IFRD1: variants seen among roughly 807,000 people sequenced by gnomAD.
The protein encoded by IFRD1 is interferon-related developmental regulator 1.
IFRD1 carries 35 observed loss-of-function variants against 52.9 expected under a neutral mutation model. The ratio of observed to expected loss-of-function variants is 0.66; its 90% CI spans 0.51 to 0.88. IFRD1 has a LOEUF of 0.88. Ranked by LOEUF, IFRD1 falls within the 40% of genes least tolerant of loss-of-function variation. The pLI is 0.00. For missense variants in IFRD1, 517 were observed against 550.8 expected (o/e 0.94, Z 0.61); for synonymous variants, 184 against 188.4 (o/e 0.98, Z 0.19).
intron 8 of IFRD1, among the ~76,000 whole-genome samples, chr7:112,463,738 A>G (rs1375754539): frequency 6.6e-6 from 1 of 151,958 alleles, no homozygotes; most frequent in East Asian, 1.9e-4. Flanking sequence ...CATTTTTAAA[A>G]TGAAGTCATA....
rs1795907962 is a variant in IFRD1, at chr7:112,476,525, G to C, written c.*1006G>C. The C allele has an allele frequency of 6.6e-6, 1 of 152,106 alleles. No homozygotes were observed. Among genetic ancestry groups the C allele is most frequent in the Non-Finnish European group, 1.5e-5 (1 of 68,040 alleles). 9.4% of individuals were successfully genotyped at this position (152,106 alleles called of 1,614,324 possible). A position where few individuals can be genotyped will look rare whatever the true frequency, so the allele number is the denominator to read the frequency against. On this transcript the variant is annotated 3_prime_UTR_variant, in exon 12 of 12. Transcript: ENST00000403825. ...ATTTAAAAAATGAGTGTGGTGGTGT[G>C]TGCTTCTACTCTTTATCTACTTGGG...
chr7:112,451,440 G>C (rs903063145), intron 1 of IFRD1, among the ~76,000 whole-genome samples: 7 of 152,084 alleles, frequency 4.6e-5, no homozygotes, highest in South Asian at 2.1e-4. Flanking sequence ...GCACCTCTGC[G>C]ACCACCCGAG....
At chr7:112,443,754 C>T (rs1250730234) in intron 1 of IFRD1, among the ~76,000 whole-genome samples, 4 of 150,906 alleles carry the variant, frequency 2.7e-5, no homozygotes, top group African/African-American at 9.7e-5. Context: ...TGTAATCCCT[C>T]GGGAGGCTTT....
intron 1 of IFRD1, among the ~76,000 whole-genome samples, chr7:112,424,382 A>G (rs1462532248): frequency 6.6e-6 from 1 of 151,774 alleles, no homozygotes; most frequent in Middle Eastern, 3.4e-3. Context: ...TGTCTGGTGA[A>G]GGGAAGGTAA....
chr7:112,427,062 G>A (rs1042395451), intron 1 of IFRD1, among the ~76,000 whole-genome samples: 9 of 152,182 alleles, frequency 5.9e-5, no homozygotes, highest in Non-Finnish European at 1.3e-4. Context: ...TGTGACACAG[G>A]TGTGTCCTTA....
chr7:112,450,631 A>G lies in IFRD1; in HGVS notation c.-58A>G, dbSNP rs2117278168. 1.5e-6 allele frequency: 2 copies of G among 1,363,716 alleles called. No individual in the cohort carries two copies. The highest frequency in any genetic ancestry group is 2.3e-5 in the East Asian group (1 of 43,618). The allele number at this position is 1,363,716 out of a possible 1,614,324, so 84.5% of individuals were successfully genotyped here. On this transcript the variant is annotated 5_prime_UTR_variant, in exon 1 of 12. Transcript: ENST00000403825. ...GCACAGACGCACGAGTAAAAAGTGCAGCTCCATCGGCTGATCCTCGCTAAG... is the reference window on the plus strand; with the variant it reads ...GCACAGACGCACGAGTAAAAAGTGCGGCTCCATCGGCTGATCCTCGCTAAG...
At chr7:112,443,697 G>A (rs981807128) in intron 1 of IFRD1, among the ~76,000 whole-genome samples, 6 of 151,716 alleles carry the variant, frequency 4.0e-5, no homozygotes, top group South Asian at 2.1e-4. Flanking sequence ...GATGAACCCC[G>A]TCTTTACTAA....
intron 5 of IFRD1, 70 bp downstream of exon 5, chr7:112,459,088 C>T: frequency 8.1e-7 from 1 of 1,238,876 alleles, no homozygotes; most frequent in Non-Finnish European, 1.2e-6. Flanking sequence ...GCCTATAGTA[C>T]TGTACCAGCT....
At chr7:112,437,103 C>T (rs1401978311) in intron 1 of IFRD1, 1 of 154,382 alleles carries the variant, frequency 6.5e-6, no homozygotes, top group African/African-American at 2.4e-5. Flanking sequence ...GGTGTGTGAC[C>T]CAGCTAATAC....
At chr7:112,446,938 G>A (rs1795044850), upstream of IFRD1, among the ~76,000 whole-genome samples, 1 of 152,182 alleles carries the variant, frequency 6.6e-6, no homozygotes, top group African/African-American at 2.4e-5. Flanking sequence ...GTTAGGTGAT[G>A]AGAGAAGTGA....
At position 112,456,943 on chromosome 7, in the gene IFRD1, G is replaced by A. The variant is rs768440582; in HGVS notation, c.314G>A (p.Gly105Asp). 11 of 1,613,618 alleles carry A rather than the reference G, an allele frequency of 6.8e-6. No homozygotes were observed. Among genetic ancestry groups the A allele is most frequent in the South Asian group, 2.2e-5 (2 of 91,076 alleles). ...SAKTRQAALE[G>D]IKNALASKML... ...AAGACAAGGCAAGCAGCTCTTGAAG[G>A]TATTAAAAATGCACTGGCTTCAAAA... The change falls in exon 4 of 12, where the codon GGT becomes GAT. Residue 105 changes from glycine (G) to aspartate (D), a missense_variant. Gly to Asp is a moderately conservative substitution (Grantham distance 94). Transcript: ENST00000403825.
At position 112,450,675 on chromosome 7, in the gene IFRD1, C is replaced by G. The variant is rs1185921335; in HGVS notation, c.-14C>G. The G allele has an allele frequency of 6.2e-7, 1 of 1,604,412 alleles. No homozygotes were observed. The highest frequency in any genetic ancestry group is 8.5e-7 in the Non-Finnish European group (1 of 1,172,364). On this transcript the variant is annotated 5_prime_UTR_variant, in exon 1 of 12. Transcript: ENST00000403825. ...CGCTAAGCTCCGACTCTGGGCGGCACCGGGCGTCCCACGATGCCGAAGAAC... is the reference window on the plus strand; with the variant it reads ...CGCTAAGCTCCGACTCTGGGCGGCAGCGGGCGTCCCACGATGCCGAAGAAC...
At chr7:112,449,970 C>G (rs975803718), upstream of IFRD1, 3 of 152,944 alleles carry the variant, frequency 2.0e-5, no homozygotes, top group African/African-American at 7.2e-5. Flanking sequence ...GGCTGCGTGC[C>G]TGGCAGGTGC....
Position 112,470,693 on chromosome 7 carries a change from T to C in IFRD1, c.1042-1526T>C, listed in dbSNP as rs528110638. On this transcript the variant is annotated intron_variant, in intron 9 of 11. Coordinates refer to ENST00000403825, the MANE Select transcript of IFRD1 (RefSeq NM_001550.4). Reference sequence around the variant, plus strand: ...CCCCTCAGATACCAAAATTTGAGTATTCAAGTCCCTGATATAAAATGGCAT... The same window carrying C: ...CCCCTCAGATACCAAAATTTGAGTACTCAAGTCCCTGATATAAAATGGCAT... Among the ~76,000 whole-genome samples the C allele has an allele frequency of 5.9e-5, 9 of 152,348 alleles. No individual in the cohort carries two copies. The South Asian group carries it at 1.9e-3, about 32-fold the overall frequency.
rs140390189 is a variant in IFRD1 at position 112,475,733 on chromosome 7, GTAATGTTTGGTCA to G, written c.*219_*231del. ...ATCAGTAAACATGTATAAAGTATTT[GTAATGTTTGGTCA>G]TAATTTATTTATGAAGACAGCAAAA... is the stretch of plus-strand genomic sequence containing the variant. On this transcript the variant is annotated 3_prime_UTR_variant, in exon 12 of 12. Coordinates refer to ENST00000403825, the MANE Select transcript of IFRD1 (RefSeq NM_001550.4). The G allele has an allele frequency of 3.0e-3, 1,465 of 494,896 alleles. 45 individuals carry two copies. The East Asian group carries it at 0.049, about 16-fold the overall frequency. 30.7% of individuals were successfully genotyped at this position (494,896 alleles called of 1,614,324 possible).
rs752612349 is a variant in IFRD1 at position 112,432,223 on chromosome 7, CAG to C, written c.-182+8794_-182+8795del. 6.6e-5 allele frequency among the ~76,000 whole-genome samples: 10 copies of C among 152,290 alleles called. No homozygotes were observed. In the East Asian group the frequency reaches 1.9e-3, roughly 29 times the overall value. Reference sequence around the variant, plus strand: ...CTGGGCATTGTAACTGTAAGTGGTACAGAGTGTACAGTTTTTAGAATTCTCAC... The same window carrying C: ...CTGGGCATTGTAACTGTAAGTGGTACAGTGTACAGTTTTTAGAATTCTCAC... On this transcript the variant is annotated intron_variant, in intron 1 of 12. Transcript: ENST00000005558.
chr7:112,432,368 C>T (rs890644631), intron 1 of IFRD1, among the ~76,000 whole-genome samples: 1 of 152,326 alleles, frequency 6.6e-6, no homozygotes, highest in East Asian at 1.9e-4. Context: ...CAGACAAGAT[C>T]TTGACCTTCA....
intron 1 of IFRD1, chr7:112,451,234 G>C (rs1428926049): frequency 5.8e-6 from 1 of 173,590 alleles, no homozygotes; most frequent in Non-Finnish European, 1.3e-5. Context: ...ACGTCCGGCG[G>C]GTTTGGACGG....
upstream of IFRD1, among the ~76,000 whole-genome samples, chr7:112,446,837 A>G (rs932092007): frequency 3.9e-5 from 6 of 152,178 alleles, no homozygotes; most frequent in African/African-American, 1.2e-4. Flanking sequence ...AGAGAGAGGT[A>G]TGTGCCAAAC....
Sources: gnomAD v4.1 joint callset for allele counts (sites outside exome capture counted in the v4.1 genomes callset) on GRCh38, gnomAD v4.1.1 for gene constraint, MANE v1.5 for transcripts, NCBI Gene and HGNC (gene_info 2026-07-23, HGNC 2026-07-21) for gene names.